CTNNA3: variants seen among roughly 807,000 people sequenced by gnomAD.
CTNNA3 encodes catenin alpha-3.
CTNNA3 carries 76 observed loss-of-function variants against 95.7 expected under a neutral mutation model. The observed-to-expected ratio is 0.79, with a 90% CI of 0.66 to 0.96. CTNNA3 has a LOEUF of 0.96. Among genes scored for constraint, CTNNA3 ranks in the 40% least tolerant of loss-of-function variants. The probability of loss-of-function intolerance (pLI) is 0.00; values close to 1 mark genes in which losing one functional copy is unlikely to be tolerated. For missense variants in CTNNA3, 1,191 were observed against 1,089.8 expected, an observed-to-expected ratio of 1.09 and a Z score of -1.31; for synonymous variants, 431 against 374.4, an observed-to-expected ratio of 1.15 and a Z score of -1.74.
chr10:66,490,426 T>G (rs566674416), intron 11 of CTNNA3, among the ~76,000 whole-genome samples: 38 of 152,296 alleles, frequency 2.5e-4, no homozygotes, highest in African/African-American at 9.1e-4. Flanking sequence ...TTGAAGCCTT[T>G]TAACCTGAAA....
intron 9 of CTNNA3, among the ~76,000 whole-genome samples, chr10:66,672,308 C>T (rs4472826): frequency 0.55 from 84,129 of 151,930 alleles, 24,028 homozygotes; most frequent in African/African-American, 0.68. Context: ...ATATAAAGAG[C>T]TGAATTTTAA....
At position 67,260,298 on chromosome 10, in the gene CTNNA3, G is replaced by A. The variant is rs116801467; in HGVS notation, c.580-40428C>T. Among the ~76,000 whole-genome samples, 1,021 of 152,298 alleles carry A rather than the reference G, an allele frequency of 6.7e-3. 14 individuals are homozygous for A. The highest frequency in any genetic ancestry group is 0.023 in the African/African-American group (938 of 41,548). ...CGGAAGAGGACCCAAAGTAGCCACA[G>A]TGCAGAATGGAAGTCTTATGTATGA... On this transcript the variant is annotated intron_variant, in intron 5 of 17. Coordinates refer to ENST00000433211, the MANE Select transcript of CTNNA3 (RefSeq NM_013266.4).
intron 12 of CTNNA3, among the ~76,000 whole-genome samples, chr10:66,309,353 A>C (rs1457442174): frequency 3.3e-5 from 5 of 152,128 alleles, no homozygotes; most frequent in African/African-American, 1.2e-4. Context: ...GACGCTTCTA[A>C]TAACACCTTT....
chr10:67,598,440 C>G (rs1842988591), intron 3 of CTNNA3, among the ~76,000 whole-genome samples: 1 of 152,042 alleles, frequency 6.6e-6, no homozygotes, highest in Non-Finnish European at 1.5e-5. Context: ...AACTTCCTCC[C>G]CCCTTCAGCC....
chr10:67,576,558 T>G (rs1418319905), intron 3 of CTNNA3, among the ~76,000 whole-genome samples: 1 of 151,196 alleles, frequency 6.6e-6, no homozygotes. Flanking sequence ...TTTATTTTAT[T>G]TTATTATTAT....
intron 11 of CTNNA3, among the ~76,000 whole-genome samples, chr10:66,502,321 A>G (rs1160820601): frequency 2.0e-5 from 3 of 152,148 alleles, no homozygotes; most frequent in African/African-American, 4.8e-5. Flanking sequence ...CATCTATGTC[A>G]CTTGGCTTTG....
chr10:66,902,701 T>C (rs1015017274), intron 7 of CTNNA3, among the ~76,000 whole-genome samples: 2 of 151,978 alleles, frequency 1.3e-5, no homozygotes, highest in African/African-American at 4.8e-5. Context: ...AAAATGGATA[T>C]CACCACCGAT....
At chr10:66,167,270 C>G (rs1482242145) in intron 13 of CTNNA3, among the ~76,000 whole-genome samples, 1 of 151,438 alleles carries the variant, frequency 6.6e-6, no homozygotes, top group Non-Finnish European at 1.5e-5. Context: ...TAAAAGGAGG[C>G]AAATAGAAAA....
rs10997134 is a variant in CTNNA3, at chr10:66,450,873, A to G, written c.1531+69744T>C. ...AACCCCAACTCACTCTTCAAGACAC[A>G]AGTCTAACTTTTTTGAAGATAAAGT... On this transcript the variant is annotated intron_variant, in intron 11 of 17. Transcript: ENST00000433211. Among the ~76,000 whole-genome samples, 571 of 152,246 alleles carry G rather than the reference A, an allele frequency of 3.8e-3. 36 individuals carry two copies. The East Asian group carries it at 0.085, about 23-fold the overall frequency.
intron 9 of CTNNA3, among the ~76,000 whole-genome samples, chr10:66,754,369 T>C (rs1839283297): frequency 6.6e-6 from 1 of 152,034 alleles, no homozygotes; most frequent in African/African-American, 2.4e-5. Flanking sequence ...TAACTGAAAA[T>C]AGATCAAACA....
chr10:66,770,423 T>G (rs1392201076), intron 8 of CTNNA3, among the ~76,000 whole-genome samples: 1 of 152,140 alleles, frequency 6.6e-6, no homozygotes, highest in Non-Finnish European at 1.5e-5. Flanking sequence ...GCCAAAGCAC[T>G]AAAATCTGAA....
At chr10:66,099,410 T>A (rs942685559) in intron 14 of CTNNA3, among the ~76,000 whole-genome samples, 3 of 152,188 alleles carry the variant, frequency 2.0e-5, no homozygotes, top group African/African-American at 7.2e-5. Flanking sequence ...AGATTGAAGA[T>A]ATAAATGTCA....
intron 5 of CTNNA3, among the ~76,000 whole-genome samples, chr10:67,401,152 T>C (rs1326528231): frequency 6.6e-6 from 1 of 152,120 alleles, no homozygotes; most frequent in Non-Finnish European, 1.5e-5. Context: ...CAACAGAGCA[T>C]CAGCTTGGAA....
intron 5 of CTNNA3, among the ~76,000 whole-genome samples, chr10:67,222,829 G>A (rs1182405099): frequency 6.6e-6 from 1 of 152,174 alleles, no homozygotes; most frequent in Non-Finnish European, 1.5e-5. Context: ...CAGTGTCAAG[G>A]TTTAGTTTGT....
intron 10 of CTNNA3, among the ~76,000 whole-genome samples, chr10:66,545,728 A>G (rs1489441367): frequency 1.3e-5 from 2 of 151,962 alleles, no homozygotes; most frequent in African/African-American, 4.8e-5. Flanking sequence ...CATTCTGGAG[A>G]GAATACAGTT....
At chr10:66,567,554 G>A (rs1390539620) in intron 10 of CTNNA3, among the ~76,000 whole-genome samples, 1 of 152,074 alleles carries the variant, frequency 6.6e-6, no homozygotes, top group Non-Finnish European at 1.5e-5. Context: ...AGGAAGTAGA[G>A]ACTGCGGTGA....
At chr10:67,215,000 A>G (rs1042185151) in intron 6 of CTNNA3, among the ~76,000 whole-genome samples, 3 of 151,994 alleles carry the variant, frequency 2.0e-5, no homozygotes, top group African/African-American at 7.2e-5. Flanking sequence ...GGAAATTCTC[A>G]TTATCTGTTT....
At chr10:67,212,388 T>C (rs878888458) in intron 6 of CTNNA3, among the ~76,000 whole-genome samples, 1 of 151,994 alleles carries the variant, frequency 6.6e-6, no homozygotes, top group Admixed American at 6.6e-5. Flanking sequence ...TTAGTTTTGC[T>C]TGTGTGAGCC....
chr10:65,926,080 T>A (rs969537668), intron 17 of CTNNA3, among the ~76,000 whole-genome samples: 1 of 150,160 alleles, frequency 6.7e-6, no homozygotes, highest in African/African-American at 2.4e-5. Context: ...ATAGATTACA[T>A]ACATGTTAAA....
Sources: allele counts gnomAD v4.1 joint callset (sites outside exome capture counted in the v4.1 genomes callset), GRCh38; gene constraint gnomAD v4.1.1; transcripts MANE v1.5; gene names NCBI Gene and HGNC (gene_info 2026-07-23, HGNC 2026-07-21).